Variants in CHM observed in about 807,000 individuals in gnomAD.
CHM encodes rab proteins geranylgeranyltransferase component A 1.
Under a neutral mutation model 49.0 loss-of-function variants are expected in CHM, and 10 were observed. That is an observed-to-expected ratio of 0.20 (90% CI 0.13 to 0.35). The LOEUF is 0.35. CHM is among the 10% of genes least tolerant of loss of function. The probability of loss-of-function intolerance (pLI) is 1.00; values close to 1 mark genes in which losing one functional copy is unlikely to be tolerated. For synonymous variants in CHM, 184 were observed against 167.5 expected (o/e 1.10, Z -0.76); for missense variants, 455 against 478.4 (o/e 0.95, Z 0.46).
At chrX:85,866,099 G>T (rs1325577071) in intron 14 of CHM, among the ~76,000 whole-genome samples, 6 of 112,840 alleles carry the variant, frequency 5.3e-5, no homozygotes, top group African/African-American at 1.9e-4. Flanking sequence ...GCAATGATGA[G>T]CCAAATGTCA....
chrX:86,012,139 A>G (rs56205486), intron 2 of CHM, among the ~76,000 whole-genome samples: 19,072 of 111,051 alleles, frequency 0.17, 1,537 homozygotes, highest in Middle Eastern at 0.25. Flanking sequence ...GCAGAAACAT[A>G]GGGATCCTCC....
At chrX:85,902,671 T>C (rs1260607045) in intron 9 of CHM, among the ~76,000 whole-genome samples, 1 of 111,674 alleles carries the variant, frequency 9.0e-6, no homozygotes, top group Non-Finnish European at 1.9e-5. Flanking sequence ...TTACATCTGA[T>C]ATTCTCCAAA....
intron 8 of CHM, among the ~76,000 whole-genome samples, chrX:85,938,298 A>T (rs1901613243): frequency 8.9e-6 from 1 of 112,240 alleles, no homozygotes; most frequent in South Asian, 3.7e-4. Context: ...TATCATCTCC[A>T]TGCTAATATA....
At chrX:86,021,128 A>G (rs968812286) in intron 2 of CHM, among the ~76,000 whole-genome samples, 28 of 20,386 alleles carry the variant, frequency 1.4e-3, no homozygotes, top group Middle Eastern at 0.023. Context: ...GTATATACGT[A>G]TATATATATA....
chrX:85,999,631 T>C (rs149348714), intron 2 of CHM, among the ~76,000 whole-genome samples: 424 of 112,029 alleles, frequency 3.8e-3, no homozygotes, highest in Admixed American at 7.0e-3. Context: ...TAAATGCCAA[T>C]CTCTACATTT....
chrX:85,974,592 C>A (rs931026644), intron 4 of CHM, among the ~76,000 whole-genome samples: 5 of 110,911 alleles, frequency 4.5e-5, no homozygotes, highest in Non-Finnish European at 9.5e-5. Flanking sequence ...CATCCAAGTA[C>A]AATCAACTGA....
intron 4 of CHM, among the ~76,000 whole-genome samples, chrX:85,974,583 A>T (rs2147698875): frequency 9.0e-6 from 1 of 111,368 alleles, no homozygotes; most frequent in South Asian, 3.7e-4. Flanking sequence ...AAATAGACCC[A>T]TCCAAGTACA....
intron 1 of CHM, 49 bp from the exon 2 acceptor site, chrX:86,027,606 T>C: frequency 2.8e-6 from 3 of 1,075,154 alleles, no homozygotes; most frequent in Non-Finnish European, 3.9e-6. Flanking sequence ...ATATATATAT[T>C]TTACATAAAA....
chrX:85,983,974 GGCGGATC>G (rs1931767389), intron 2 of CHM, among the ~76,000 whole-genome samples: 3 of 110,758 alleles, frequency 2.7e-5, no homozygotes, highest in Non-Finnish European at 5.7e-5. Flanking sequence ...GGCCGAGGTG[GGCGGATC>G]ACCTGAGGTG....
At chrX:85,986,960 GAA>G (rs1003391667) in intron 2 of CHM, among the ~76,000 whole-genome samples, 1 of 101,180 alleles carries the variant, frequency 9.9e-6, no homozygotes, top group Non-Finnish European at 2.0e-5. Flanking sequence ...GAAACAGCTG[GAA>G]AAAAAAAAAA....
In CHM at chrX:85,956,190, A is replaced by C; in HGVS notation, c.1129T>G (p.Leu377Val). 1 of 1,211,169 alleles carries C rather than the reference A, an allele frequency of 8.3e-7. No individual in the cohort carries two copies. The highest frequency in any genetic ancestry group is 1.8e-5 in the South Asian group (1 of 56,948). The change falls in exon 8 of 15, where the codon TTA becomes GTA. Residue 377 changes from leucine (L) to valine (V), a missense_variant. Physicochemically the swap from Leu to Val is conservative, Grantham distance 32. Transcript: ENST00000357749. ...RYGNTPFLFP[L>V]YGQGELPQCF... ...TGGGGGAGTTCTCCTTGGCCATATA[A>C]AGGAAACAAAAATGGAGTGTTGCCA... is the stretch of plus-strand genomic sequence containing the variant.
chrX:85,934,081 C>T (rs928879414), intron 8 of CHM, among the ~76,000 whole-genome samples: 5 of 107,936 alleles, frequency 4.6e-5, no homozygotes, highest in South Asian at 4.1e-4. Context: ...CCTGGGTTCA[C>T]GCCATTCTCC....
intron 5 of CHM, among the ~76,000 whole-genome samples, chrX:85,959,955 G>C (rs1453670224): frequency 9.0e-6 from 1 of 111,448 alleles, no homozygotes; most frequent in Non-Finnish European, 1.9e-5. Context: ...TACCATTCAA[G>C]TAAAATTTTA....
At chrX:85,997,605 CTACCCTACCTTACAAAG>C (rs963253033) in intron 2 of CHM, among the ~76,000 whole-genome samples, 1 of 111,024 alleles carries the variant, frequency 9.0e-6, no homozygotes, top group African/African-American at 3.3e-5. Flanking sequence ...CCACTACTAC[CTACCCTACCTTACAAAG>C]CCCTGAAGGA....
At chrX:85,879,417 T>C (rs1157714617) in intron 12 of CHM, among the ~76,000 whole-genome samples, 2 of 112,231 alleles carry the variant, frequency 1.8e-5, no homozygotes, top group African/African-American at 3.2e-5. Flanking sequence ...CATTTATACA[T>C]GTTTTGCTGA....
At chrX:85,960,592 T>A (rs1275573508) in intron 5 of CHM, among the ~76,000 whole-genome samples, 1 of 109,654 alleles carries the variant, frequency 9.1e-6, no homozygotes, top group Non-Finnish European at 1.9e-5. Flanking sequence ...CCCAGCTAAT[T>A]TTTTGTATTT....
At chrX:85,965,720 A>T (rs1469304660) in intron 4 of CHM, among the ~76,000 whole-genome samples, 1 of 111,969 alleles carries the variant, frequency 8.9e-6, no homozygotes, top group East Asian at 2.8e-4. Context: ...AAAATGAGGG[A>T]CAATGATAGA....
intron 8 of CHM, among the ~76,000 whole-genome samples, chrX:85,931,080 C>G (rs199722717): frequency 9.0e-6 from 1 of 110,883 alleles, no homozygotes; most frequent in South Asian, 3.8e-4. Context: ...AAAGTAAAGA[C>G]AAGCCTATAC....
At chrX:85,931,595 C>T (rs1928440212) in intron 8 of CHM, among the ~76,000 whole-genome samples, 1 of 111,420 alleles carries the variant, frequency 9.0e-6, no homozygotes, top group South Asian at 3.8e-4. Flanking sequence ...ATTTACGGAT[C>T]TACTATGAAT....
Sources: allele counts gnomAD v4.1 joint callset (sites outside exome capture counted in the v4.1 genomes callset), GRCh38; gene constraint gnomAD v4.1.1; transcripts MANE v1.5; gene names NCBI Gene and HGNC (gene_info 2026-07-23, HGNC 2026-07-21).